Variants in PDE1A observed in about 807,000 individuals in gnomAD.
PDE1A encodes phosphodiesterase 1A, also known as dual specificity calcium/calmodulin-dependent 3',5'-cyclic nucleotide phosphodiesterase 1A.
A neutral mutation model predicts 61.7 loss-of-function variants in PDE1A; 35 were observed. The ratio of observed to expected loss-of-function variants is 0.57; its 90% CI spans 0.43 to 0.75. The LOEUF is 0.75. Ranked by LOEUF, PDE1A falls within the 30% of genes least tolerant of loss-of-function variation. The probability of loss-of-function intolerance (pLI) is 0.00; values close to 1 mark genes in which losing one functional copy is unlikely to be tolerated. For synonymous variants in PDE1A, 232 were observed against 213.2 expected, an observed-to-expected ratio of 1.09 and a Z score of -0.77; for missense variants, 597 against 630.6, an observed-to-expected ratio of 0.95 and a Z score of 0.57.
chr2:182,274,574 A>G (rs1693267053), intron 1 of PDE1A, among the ~76,000 whole-genome samples: 1 of 152,142 alleles, frequency 6.6e-6, no homozygotes, highest in Non-Finnish European at 1.5e-5. Context: ...TTTGTGGCAT[A>G]AAAAGCAATC....
At chr2:182,627,095 ATGT>A in the PDE1A span, among the ~76,000 whole-genome samples, 1 of 20,782 alleles carries the variant, frequency 4.8e-5, no homozygotes, top group Non-Finnish European at 9.0e-5. Flanking sequence ...ATGATATATT[ATGT>A]ATATATAAAA....
chr2:182,482,808 T>C (rs757549069), intron 2 of PDE1A, among the ~76,000 whole-genome samples: 13 of 151,954 alleles, frequency 8.6e-5, no homozygotes, highest in Non-Finnish European at 1.6e-4. Flanking sequence ...TCAGAAAGCA[T>C]GTGAGTTAGA....
chr2:182,549,122 T>C, the PDE1A span, among the ~76,000 whole-genome samples: 22 of 152,268 alleles, frequency 1.4e-4, no homozygotes, highest in East Asian at 2.3e-3. Flanking sequence ...ATCATCAGTG[T>C]TTCCATTTCC....
intron 1 of PDE1A, among the ~76,000 whole-genome samples, chr2:182,376,817 G>A (rs934142617): frequency 6.6e-6 from 1 of 152,308 alleles, no homozygotes; most frequent in East Asian, 1.9e-4. Context: ...AATCATGACA[G>A]AAGGCAAGGA....
rs1480143777 is a variant in PDE1A, at chr2:182,398,962, C to CT, written c.53+27615dup. Reference sequence around the variant, plus strand: ...TGGTAAACTACCAAATTCCCCTAAACTTCAGTTTGTTAACTATAAAGCAGG... The same window carrying CT: ...TGGTAAACTACCAAATTCCCCTAAACTTTCAGTTTGTTAACTATAAAGCAGG... On this transcript the variant is annotated intron_variant, in intron 1 of 13. Transcript: ENST00000351439. Among the ~76,000 whole-genome samples, 4 of 152,094 alleles carry CT rather than the reference C, an allele frequency of 2.6e-5. No individual in the cohort carries two copies. The East Asian group carries it at 7.7e-4, about 29-fold the overall frequency.
At chr2:182,602,554 A>G in the PDE1A span, among the ~76,000 whole-genome samples, 1 of 152,248 alleles carries the variant, frequency 6.6e-6, no homozygotes, top group East Asian at 1.9e-4. Context: ...GTTTCTCATG[A>G]AGCAAAAGCT....
At chr2:182,386,090 G>A (rs144229880) in intron 1 of PDE1A, among the ~76,000 whole-genome samples, 2,097 of 152,274 alleles carry the variant, frequency 0.014, 53 homozygotes, top group African/African-American at 0.048. Context: ...CGAGTGATCC[G>A]CCAGCCTCGG....
intron 1 of PDE1A, among the ~76,000 whole-genome samples, chr2:182,282,863 T>G (rs2125857035): frequency 6.6e-6 from 1 of 152,134 alleles, no homozygotes; most frequent in East Asian, 1.9e-4. Context: ...ACAAAAGCCC[T>G]AATGAAATAG....
intron 2 of PDE1A, 86 bp downstream of exon 2, chr2:182,264,215 C>T: frequency 3.6e-6 from 3 of 824,588 alleles, no homozygotes; most frequent in Non-Finnish European, 3.8e-6. Flanking sequence ...TGCTAAATTC[C>T]TGTTTGAGAT....
chr2:182,625,730 A>G, the PDE1A span, among the ~76,000 whole-genome samples: 2 of 152,218 alleles, frequency 1.3e-5, no homozygotes. Flanking sequence ...TCAGTATCAT[A>G]TGATAGCCTA....
chr2:182,199,937 A>C (rs905972465), intron 10 of PDE1A, among the ~76,000 whole-genome samples: 2 of 152,126 alleles, frequency 1.3e-5, no homozygotes, highest in Non-Finnish European at 2.9e-5. Context: ...GAACAGGTAT[A>C]AAATTAATGA....
chr2:182,461,637 T>C (rs1327575361), intron 2 of PDE1A, among the ~76,000 whole-genome samples: 1 of 152,296 alleles, frequency 6.6e-6, no homozygotes, highest in African/African-American at 2.4e-5. Context: ...GTCCTGTATG[T>C]TGCAAGTGAC....
the PDE1A span, among the ~76,000 whole-genome samples, chr2:182,640,167 G>A: frequency 2.6e-5 from 4 of 152,196 alleles, no homozygotes; most frequent in Admixed American, 1.3e-4. Context: ...TGTTATTCAA[G>A]TGTGAAGGTT....
intron 1 of PDE1A, among the ~76,000 whole-genome samples, chr2:182,338,769 G>A (rs560975492): frequency 2.0e-5 from 3 of 152,166 alleles, no homozygotes; most frequent in African/African-American, 4.8e-5. Flanking sequence ...TGATCTACCC[G>A]CCTCGGCCTG....
chr2:182,263,964 C>G (rs1692415625), intron 2 of PDE1A, among the ~76,000 whole-genome samples: 1 of 152,112 alleles, frequency 6.6e-6, no homozygotes, highest in Non-Finnish European at 1.5e-5. Flanking sequence ...ATCCTTACAT[C>G]AGTGAAAACC....
chr2:182,319,013 T>A (rs1477398780), intron 1 of PDE1A, among the ~76,000 whole-genome samples: 1 of 152,160 alleles, frequency 6.6e-6, no homozygotes, highest in Non-Finnish European at 1.5e-5. Flanking sequence ...CATCACCCTC[T>A]CTCTCATTTT....
At chr2:182,573,835 T>C in the PDE1A span, among the ~76,000 whole-genome samples, 2 of 144,956 alleles carry the variant, frequency 1.4e-5, no homozygotes, top group African/African-American at 5.2e-5. Flanking sequence ...AGGGACAGAA[T>C]AGGATATATA....
At chr2:182,483,646 T>C (rs1687836678) in intron 2 of PDE1A, among the ~76,000 whole-genome samples, 1 of 151,838 alleles carries the variant, frequency 6.6e-6, no homozygotes, top group Non-Finnish European at 1.5e-5. Context: ...CCTAAAGCAG[T>C]GTTTTAAAGA....
intron 1 of PDE1A, among the ~76,000 whole-genome samples, chr2:182,419,029 G>A (rs1197870067): frequency 6.7e-6 from 1 of 150,290 alleles, no homozygotes; most frequent in Non-Finnish European, 1.5e-5. Flanking sequence ...AACTATGCAA[G>A]AGAAAGTTTA....
Sources: allele counts gnomAD v4.1 joint callset (sites outside exome capture counted in the v4.1 genomes callset), GRCh38; gene constraint gnomAD v4.1.1; transcripts MANE v1.5; gene names NCBI Gene and HGNC (gene_info 2026-07-23, HGNC 2026-07-21).